Variants in RRP1B observed in about 807,000 individuals in gnomAD.
The protein encoded by RRP1B is ribosomal RNA processing 1B, also known as ribosomal RNA processing protein 1 homolog B.
In RRP1B, 56 loss-of-function variants were observed where a neutral mutation model predicts 80.2. The ratio of observed to expected loss-of-function variants is 0.70; its 90% CI spans 0.56 to 0.87. RRP1B has a LOEUF of 0.87. Among genes scored for constraint, RRP1B ranks in the 40% least tolerant of loss-of-function variants. RRP1B has a pLI of 0.00. For synonymous variants in RRP1B, 351 were observed against 357.6 expected, an observed-to-expected ratio of 0.98 and a Z score of 0.21; for missense variants, 807 against 939.8, an observed-to-expected ratio of 0.86 and a Z score of 1.85.
At chr21:43,671,400 C>T (rs891005699) in intron 2 of RRP1B, among the ~76,000 whole-genome samples, 21 of 142,248 alleles carry the variant, frequency 1.5e-4, no homozygotes, top group African/African-American at 4.3e-4. Flanking sequence ...GAGTTTCACT[C>T]TGTTGCCCAG....
chr21:43,671,564 CATT>C (rs1205844795), intron 2 of RRP1B, among the ~76,000 whole-genome samples: 1 of 151,900 alleles, frequency 6.6e-6, no homozygotes, highest in Non-Finnish European at 1.5e-5. Context: ...GACTGGGTCT[CATT>C]GTGTTGCCTA....
Position 43,687,926 on chromosome 21 carries a change from G to A in RRP1B, c.1552G>A (p.Ala518Thr). ...ACCTAGAGGGTCCCCGACAGGTGGA[G>A]CCCAACTCCTAAAAAGGAAGCGGAA... The part of the protein sequence containing the change: ...QGPRGSPTGG[A>T]QLLKRKRKLG... Residue 518 changes from alanine (A) to threonine (T), a missense_variant, in exon 13 of 16, where the codon GCC (alanine) becomes ACC (threonine). Transcript: ENST00000340648. The A allele has an allele frequency of 6.2e-7, 1 of 1,613,298 alleles. No homozygotes were observed. Among genetic ancestry groups the A allele is most frequent in the Non-Finnish European group, 8.5e-7 (1 of 1,180,046 alleles).
Position 43,680,287 on chromosome 21 carries a change from C to G in RRP1B, c.797-2992C>G, listed in dbSNP as rs61439366. Among the ~76,000 whole-genome samples the G allele has an allele frequency of 8.0e-3, 1,211 of 152,118 alleles. 12 individuals are homozygous for G. The highest frequency in any genetic ancestry group is 0.026 in the African/African-American group (1,093 of 41,498). On this transcript the variant is annotated intron_variant, in intron 8 of 15. Transcript: ENST00000340648. ...ATTTAGAGACAGGGTCGGCCGGGCG[C>G]GGTGGCCCAGGCCCGTAATCCCAGC...
chr21:43,672,583 A>G (rs548735918), intron 3 of RRP1B, among the ~76,000 whole-genome samples: 4 of 152,308 alleles, frequency 2.6e-5, no homozygotes, highest in African/African-American at 4.8e-5. Flanking sequence ...AGAAATAACA[A>G]TCCTCCAGAA....
At position 43,683,263 on chromosome 21, in the gene RRP1B, G is replaced by T. The variant is rs374268891; in HGVS notation, c.797-16G>T. The T allele has an allele frequency of 3.7e-6, 6 of 1,601,762 alleles. No individual in the cohort carries two copies. In the African/African-American group the frequency reaches 8.0e-5, roughly 21 times the overall value. The stretch of plus-strand genomic sequence containing the variant: ...TTGATATGTCAATAATTTGGTCTTT[G>T]GGTATATTTTGACAGCACTGGGCAA... On this transcript the variant is annotated splice_polypyrimidine_tract_variant and intron_variant, in intron 8 of 15. Coordinates refer to ENST00000340648, the MANE Select transcript of RRP1B (RefSeq NM_015056.3).
rs540287296 is a variant in RRP1B, at chr21:43,664,177, G to A, written c.130+4383G>A. Among the ~76,000 whole-genome samples, 10 of 152,092 alleles carry A rather than the reference G, an allele frequency of 6.6e-5. No individual in the cohort carries two copies. In the East Asian group the frequency reaches 1.5e-3, roughly 24 times the overall value. On this transcript the variant is annotated intron_variant, in intron 1 of 15. Transcript: ENST00000340648. ...AAATGGGCCGGGCGCAGTGGCTCAC[G>A]CCTGTAATCCCAACACTTTGGGAAG...
At chr21:43,664,502 A>G (rs1049521020) in intron 1 of RRP1B, among the ~76,000 whole-genome samples, 5 of 152,332 alleles carry the variant, frequency 3.3e-5, no homozygotes, top group African/African-American at 1.2e-4. Flanking sequence ...CATATAGTAT[A>G]GGTGATAGAA....
intron 13 of RRP1B, among the ~76,000 whole-genome samples, chr21:43,689,077 G>A (rs575124353): frequency 1.3e-5 from 2 of 152,374 alleles, no homozygotes; most frequent in East Asian, 3.9e-4. Flanking sequence ...GCCTGGCCCT[G>A]ATCCGCTTTT....
chr21:43,665,311 A>T (rs1302300497), intron 1 of RRP1B, among the ~76,000 whole-genome samples: 1 of 152,252 alleles, frequency 6.6e-6, no homozygotes, highest in African/African-American at 2.4e-5. Context: ...CACTACCTGT[A>T]ACTGTTCTGT....
chr21:43,663,803 C>T (rs748351386), intron 1 of RRP1B, among the ~76,000 whole-genome samples: 12 of 152,184 alleles, frequency 7.9e-5, no homozygotes, highest in Non-Finnish European at 1.2e-4. Flanking sequence ...CTCAGGTGAT[C>T]TGCCCACCTC....
intron 6 of RRP1B, 96 bp from the exon 7 acceptor site, chr21:43,676,176 C>A: frequency 1.1e-6 from 1 of 901,660 alleles, no homozygotes; most frequent in Non-Finnish European, 1.8e-6. Context: ...CTTGGTCTAA[C>A]TCCACCTTTG....
chr21:43,663,140 A>AC (rs2082964729), intron 1 of RRP1B, among the ~76,000 whole-genome samples: 1 of 152,142 alleles, frequency 6.6e-6, no homozygotes, highest in Admixed American at 6.5e-5. Context: ...TTAACACTTT[A>AC]CCCCCATCTA....
At chr21:43,674,501 A>G (rs1378969327) in intron 4 of RRP1B, 135 bp from the exon 5 acceptor site, 2 of 669,928 alleles carry the variant, frequency 3.0e-6, no homozygotes, top group East Asian at 5.7e-5. Context: ...ACTGTTGTGA[A>G]TATTTTTTTA....
chr21:43,691,597 A>G lies in RRP1B; in HGVS notation c.2083+95A>G, dbSNP rs1019003126. On this transcript the variant is annotated intron_variant, in intron 15 of 15. Transcript: ENST00000340648. This position sits in a 1 kb window ranked among gnomAD's most constrained non-coding sequence, Gnocchi z 4.2. ...TGGTTCCACAAGGCGGTCGGGGAAG[A>G]GGGGGGTCCTAGCTCCTCACTGCCC... 6 of 997,080 alleles carry G rather than the reference A, an allele frequency of 6.0e-6. No homozygotes were observed. Among genetic ancestry groups the G allele is most frequent in the Non-Finnish European group, 9.4e-6 (6 of 636,152 alleles). 61.8% of individuals were successfully genotyped at this position (997,080 alleles called of 1,614,324 possible).
chr21:43,684,785 G>A (rs979130716), intron 10 of RRP1B, 135 bp downstream of exon 10: 7 of 681,666 alleles, frequency 1.0e-5, no homozygotes, highest in South Asian at 9.2e-5. Flanking sequence ...GTATAGCAAT[G>A]TAATAGACAC....
At chr21:43,677,136 A>G (rs1398454148) in intron 8 of RRP1B, among the ~76,000 whole-genome samples, 1 of 152,106 alleles carries the variant, frequency 6.6e-6, no homozygotes, top group African/African-American at 2.4e-5. Flanking sequence ...TGGCATACAC[A>G]CATTTCTGTA....
At chr21:43,685,958 T>C (rs1319213032) in intron 11 of RRP1B, among the ~76,000 whole-genome samples, 169 bp downstream of exon 11, 1 of 152,064 alleles carries the variant, frequency 6.6e-6, no homozygotes, top group Non-Finnish European at 1.5e-5. Flanking sequence ...ACATCTCTAC[T>C]AAAAATGAAA....
In RRP1B at chr21:43,661,401, C is replaced by A. The variant is rs561616819; in HGVS notation, c.130+1607C>A. Among the ~76,000 whole-genome samples the A allele has an allele frequency of 2.0e-5, 3 of 152,284 alleles. No homozygotes were observed. The South Asian group carries it at 6.2e-4, about 32-fold the overall frequency. On this transcript the variant is annotated intron_variant, in intron 1 of 15. Transcript: ENST00000340648. ...GCTCCACTGCCACCTGTTTTCTTTT[C>A]TTTTGGTTGCTGGTTCCCACCAGCC... is the stretch of plus-strand genomic sequence containing the variant.
chr21:43,659,603 A>C lies in RRP1B; in HGVS notation c.-62A>C. The C allele has an allele frequency of 7.4e-7, 1 of 1,345,450 alleles. No individual in the cohort carries two copies. The allele number at this position is 1,345,450 out of a possible 1,614,324, so 83.3% of individuals were successfully genotyped here. A position where few individuals can be genotyped will look rare whatever the true frequency, so the allele number is the denominator to read the frequency against. ...GGCGGACGGTGGCTGGCTGCTCCGC[A>C]GCGCTCGGCTGGCTGCAGCGGCACC... On this transcript the variant is annotated 5_prime_UTR_variant, in exon 1 of 16. Coordinates refer to ENST00000340648, the MANE Select transcript of RRP1B (RefSeq NM_015056.3). This position sits in a 1 kb window ranked among gnomAD's most constrained non-coding sequence, Gnocchi z 4.2.
Sources: gnomAD v4.1 joint callset for allele counts (sites outside exome capture counted in the v4.1 genomes callset) on GRCh38, gnomAD v4.1.1 for gene constraint, Gnocchi (gnomAD v3.1) non-coding constraint, MANE v1.5 for transcripts, NCBI Gene and HGNC (gene_info 2026-07-23, HGNC 2026-07-21) for gene names.